Variants in HMCN1 observed in about 807,000 individuals in gnomAD.
HMCN1 encodes the protein hemicentin-1.
HMCN1 carries 321 observed loss-of-function variants against 625.9 expected under a neutral mutation model. The observed-to-expected ratio is 0.51, with a 90% CI of 0.47 to 0.56. HMCN1 has a LOEUF of 0.56. Ranked by LOEUF, HMCN1 falls within the 20% of genes least tolerant of loss-of-function variation. HMCN1 has a pLI of 0.00. For missense variants in HMCN1, 6,588 were observed against 6,887.3 expected, an observed-to-expected ratio of 0.96 and a Z score of 1.54; for synonymous variants, 2,425 against 2,417.6, an observed-to-expected ratio of 1.00 and a Z score of -0.09.
chr1:186,037,866 T>A, intron 36 of HMCN1, 68 bp from the exon 37 acceptor site: 1 of 947,882 alleles, frequency 1.1e-6, no homozygotes, highest in Non-Finnish European at 1.7e-6. Context: ...ATAATTTTAA[T>A]TGAGCAAACA....
chr1:186,168,124 A>G (rs1382343518), intron 100 of HMCN1, among the ~76,000 whole-genome samples: 1 of 151,542 alleles, frequency 6.6e-6, no homozygotes, highest in Non-Finnish European at 1.5e-5. Context: ...AAATGGATCT[A>G]TATATTTAGG....
intron 49 of HMCN1, among the ~76,000 whole-genome samples, chr1:186,067,536 G>A (rs534823551): frequency 8.2e-4 from 124 of 152,134 alleles, no homozygotes; most frequent in Non-Finnish European, 1.6e-3. Flanking sequence ...AACTGGACTG[G>A]ATGCTAACTC....
At chr1:186,092,666 T>G (rs1365012811) in intron 64 of HMCN1, among the ~76,000 whole-genome samples, 2 of 152,030 alleles carry the variant, frequency 1.3e-5, no homozygotes, top group South Asian at 2.1e-4. Context: ...AAAAAAAGTT[T>G]GCAAAATATA....
At chr1:185,944,402 C>T (rs1338649240) in intron 11 of HMCN1, among the ~76,000 whole-genome samples, 1 of 152,138 alleles carries the variant, frequency 6.6e-6, no homozygotes, top group Non-Finnish European at 1.5e-5. Flanking sequence ...TATAATTCAT[C>T]CATGTAACAG....
chr1:185,895,819 A>G lies in HMCN1; in HGVS notation c.622-13518A>G, dbSNP rs1324719408. On this transcript the variant is annotated intron_variant, in intron 4 of 106. Transcript: ENST00000271588. Reference sequence around the variant, plus strand: ...CATTGTCATTGGGTAAAGAATACACAGTGTTAGGATTTGCCCTTTCCTTGG... The same window carrying G: ...CATTGTCATTGGGTAAAGAATACACGGTGTTAGGATTTGCCCTTTCCTTGG... Among the ~76,000 whole-genome samples the G allele has an allele frequency of 3.9e-5, 6 of 152,328 alleles. No homozygotes were observed. In the South Asian group the frequency reaches 1.0e-3, roughly 26 times the overall value.
At chr1:186,114,597 T>G (rs61831304) in intron 73 of HMCN1, among the ~76,000 whole-genome samples, 5,069 of 152,218 alleles carry the variant, frequency 0.033, 126 homozygotes, top group South Asian at 0.057. Flanking sequence ...CTAAGGCTTA[T>G]GTCTACATAA....
chr1:185,756,307 C>A, intron 1 of HMCN1, among the ~76,000 whole-genome samples: 1 of 151,794 alleles, frequency 6.6e-6, no homozygotes, highest in Middle Eastern at 3.4e-3. Context: ...CTGTTCATAC[C>A]TTTTCTGCCA....
At position 185,996,322 on chromosome 1, in the gene HMCN1, G is replaced by A. The variant is rs143530315; in HGVS notation, c.3779-1107G>A. On this transcript the variant is annotated intron_variant, in intron 24 of 106. Coordinates refer to ENST00000271588, the MANE Select transcript of HMCN1 (RefSeq NM_031935.3). ...TTTCCAGGAGAAGGACATAGAATATGAAGAGAAGAGCATGTAATATTTTGG... is the reference window on the plus strand; with the variant it reads ...TTTCCAGGAGAAGGACATAGAATATAAAGAGAAGAGCATGTAATATTTTGG... 3.5e-3 allele frequency among the ~76,000 whole-genome samples: 529 copies of A among 152,218 alleles called. 4 individuals are homozygous for A. Among genetic ancestry groups the A allele is most frequent in the African/African-American group, 0.012 (501 of 41,538 alleles).
chr1:185,995,515 A>G (rs1404951338), intron 24 of HMCN1, among the ~76,000 whole-genome samples: 1 of 152,106 alleles, frequency 6.6e-6, no homozygotes, highest in African/African-American at 2.4e-5. Flanking sequence ...ATCAATGTTT[A>G]TTTCTTCAAG....
At chr1:186,129,920 T>C in intron 83 of HMCN1, 46 bp from the exon 84 acceptor site, 1 of 1,611,062 alleles carries the variant, frequency 6.2e-7, no homozygotes, top group Non-Finnish European at 8.5e-7. Flanking sequence ...GTGAAATTTT[T>C]CCTAGGTTAC....
In HMCN1 at chr1:186,093,258, G is replaced by C. The variant is rs1659944765; in HGVS notation, c.10012G>C (p.Val3338Leu). ...CCGAATTTTTAACTTGAATGTCTAT[G>C]GTAAATATGAAATATCCCCCTCTTT... is the stretch of plus-strand genomic sequence containing the variant. ...EDRIFNLNVY[V>L]TPTIRGNKDE... The change falls in exon 65 of 107, where the codon GTT becomes CTT. Residue 3338 changes from valine (V) to leucine (L), a missense_variant and splice_region_variant. Physicochemically the swap from Val to Leu is conservative, Grantham distance 32. This residue lies in a region of HMCN1 where 4,628 missense variants were observed against 4,853.1 expected (regional missense o/e 0.95). Transcript: ENST00000271588. 2 of 1,613,176 alleles carry C rather than the reference G, an allele frequency of 1.2e-6. No individual in the cohort carries two copies. The highest frequency in any genetic ancestry group is 1.7e-6 in the Non-Finnish European group (2 of 1,179,460).
intron 1 of HMCN1, among the ~76,000 whole-genome samples, chr1:185,767,081 C>T (rs966106190): frequency 6.0e-5 from 9 of 150,264 alleles, no homozygotes; most frequent in African/African-American, 2.2e-4. Flanking sequence ...TCTGAATAAC[C>T]TTGTTTATTT....
intron 14 of HMCN1, among the ~76,000 whole-genome samples, chr1:185,967,333 A>C (rs1268166702): frequency 2.6e-5 from 4 of 152,104 alleles, no homozygotes; most frequent in Non-Finnish European, 4.4e-5. Flanking sequence ...TTGGAAACTA[A>C]AAGAGGAAAT....
chr1:186,122,125 C>T lies in HMCN1; in HGVS notation c.12230-826C>T, dbSNP rs142703875. Reference sequence around the variant, plus strand: ...GGGACAAAGAAACACATTAAACAACCAAAAGCATTTCAACATTCCAAAAGC... The same window carrying T: ...GGGACAAAGAAACACATTAAACAACTAAAAGCATTTCAACATTCCAAAAGC... On this transcript the variant is annotated intron_variant, in intron 80 of 106. Transcript: ENST00000271588. 9.9e-5 allele frequency among the ~76,000 whole-genome samples: 15 copies of T among 152,204 alleles called. No individual in the cohort carries two copies. In the East Asian group the frequency reaches 2.3e-3, roughly 24 times the overall value.
intron 11 of HMCN1, among the ~76,000 whole-genome samples, chr1:185,948,635 T>G (rs1668472264): frequency 6.6e-6 from 1 of 151,846 alleles, no homozygotes; most frequent in Non-Finnish European, 1.5e-5. Context: ...CATATTCACT[T>G]CTTTTTTGAT....
chr1:185,928,816 G>T, intron 10 of HMCN1, 149 bp downstream of exon 10: 1 of 860,604 alleles, frequency 1.2e-6, no homozygotes, highest in Non-Finnish European at 1.9e-6. Flanking sequence ...CTCAAATCCT[G>T]TGCTCACCAT....
intron 29 of HMCN1, 64 bp downstream of exon 29, chr1:186,003,908 T>C (rs1653367751): frequency 2.7e-6 from 4 of 1,491,438 alleles, no homozygotes; most frequent in Non-Finnish European, 2.8e-6. Context: ...GAAAAATGCA[T>C]GTGGATTTTC....
At chr1:185,807,731 T>C (rs74135351) in intron 1 of HMCN1, among the ~76,000 whole-genome samples, 13,834 of 152,162 alleles carry the variant, frequency 0.091, 2,031 homozygotes, top group African/African-American at 0.31. Flanking sequence ...TGTTTATGAA[T>C]TTTATGTTTT....
chr1:185,894,362 T>G (rs970096287), intron 4 of HMCN1, among the ~76,000 whole-genome samples: 1 of 152,186 alleles, frequency 6.6e-6, no homozygotes, highest in Non-Finnish European at 1.5e-5. Context: ...TTCTATTTTA[T>G]GAATATACCA....
Sources: gnomAD v4.1 joint callset for allele counts (sites outside exome capture counted in the v4.1 genomes callset) on GRCh38, gnomAD v4.1.1 for gene constraint, gnomAD v4.1.1 regional missense constraint, MANE v1.5 for transcripts, NCBI Gene and HGNC (gene_info 2026-07-23, HGNC 2026-07-21) for gene names.